The following ABCC12 variants were observed in gnomAD, a reference collection of about 807,000 sequenced individuals.
ABCC12 encodes ATP-binding cassette sub-family C member 12.
ABCC12 carries 142 observed loss-of-function variants against 151.1 expected under a neutral mutation model. The ratio of observed to expected loss-of-function variants is 0.94; its 90% CI spans 0.82 to 1.08. The LOEUF (loss-of-function observed/expected upper bound fraction) is 1.08. Ranked by LOEUF, ABCC12 falls within the 50% of genes least tolerant of loss-of-function variation. The probability of loss-of-function intolerance (pLI) is 0.00; values close to 1 mark genes in which losing one functional copy is unlikely to be tolerated. For synonymous variants in ABCC12, 645 were observed against 646.4 expected (o/e 1.00, Z 0.03); for missense variants, 1,638 against 1,691.1 (o/e 0.97, Z 0.55).
At chr16:48,116,231 A>C (rs1567451345) in intron 14 of ABCC12, among the ~76,000 whole-genome samples, 2 of 152,194 alleles carry the variant, frequency 1.3e-5, no homozygotes, top group Non-Finnish European at 2.9e-5. Context: ...AATGGAACCC[A>C]AAGTGAACCC....
chr16:48,116,559 T>C (rs2150627175), intron 14 of ABCC12, among the ~76,000 whole-genome samples: 2 of 152,142 alleles, frequency 1.3e-5, no homozygotes, highest in South Asian at 2.1e-4. Flanking sequence ...GGTAGGAGCA[T>C]GGCCTGGAAG....
chr16:48,117,074 C>A (rs957047332), intron 14 of ABCC12, among the ~76,000 whole-genome samples, 187 bp downstream of exon 14: 1 of 152,224 alleles, frequency 6.6e-6, no homozygotes, highest in Non-Finnish European at 1.5e-5. Flanking sequence ...CTTGGTGCCA[C>A]GTCCACTATG....
At position 48,105,145 on chromosome 16, in the gene ABCC12, A is replaced by C; in HGVS notation, c.2667T>G (p.Phe889Leu). 1 of 1,614,044 alleles carries C rather than the reference A, an allele frequency of 6.2e-7. No homozygotes were observed. The highest frequency in any genetic ancestry group is 8.5e-7 in the Non-Finnish European group (1 of 1,180,028). The stretch of plus-strand genomic sequence containing the variant: ...GCAATGCTTGTGGCCCTACCTTATC[A>C]AACACCGTGTCATGCAGAGAGGAGG... ...MASSSLHDTV[F>L]DKILKSPMSF... The change falls in exon 21 of 31, where the codon TTT becomes TTG. Residue 889 changes from phenylalanine (F) to leucine (L), a missense_variant. Transcript: ENST00000311303.
At chr16:48,133,312 G>A (rs974913198) in intron 9 of ABCC12, among the ~76,000 whole-genome samples, 7 of 151,938 alleles carry the variant, frequency 4.6e-5, no homozygotes, top group Non-Finnish European at 7.4e-5. Flanking sequence ...ACCTGAGGTC[G>A]GGAGTTCAAG....
rs1436763055 is a variant in ABCC12, at chr16:48,081,390, A to G, written c.*2325T>C. ...TACATGCAAACAGCCAAACCCTCAG[A>G]AGTCACTCTCCCCCAGGGATGATAC... On this transcript the variant is annotated 3_prime_UTR_variant, in exon 31 of 31. Coordinates refer to ENST00000311303, the MANE Select transcript of ABCC12 (RefSeq NM_001393797.1). Among the ~76,000 whole-genome samples the G allele has an allele frequency of 1.3e-5, 2 of 152,150 alleles. No homozygotes were observed. Among genetic ancestry groups the G allele is most frequent in the Non-Finnish European group, 2.9e-5 (2 of 68,020 alleles).
At chr16:48,141,751 A>T (rs1458538380) in intron 4 of ABCC12, among the ~76,000 whole-genome samples, 1 of 152,198 alleles carries the variant, frequency 6.6e-6, no homozygotes, top group Non-Finnish European at 1.5e-5. Flanking sequence ...GTGCACAAAG[A>T]GGAGGGGCTG....
chr16:48,088,984 G>C (rs1030455113), intron 25 of ABCC12, among the ~76,000 whole-genome samples: 1 of 152,196 alleles, frequency 6.6e-6, no homozygotes, highest in African/African-American at 2.4e-5. Flanking sequence ...TTGTGTGTTG[G>C]GAAAGGGGGG....
chr16:48,096,723 C>T lies in ABCC12; in HGVS notation c.3195+23G>A, dbSNP rs375570056. ...TACAGGCCGGAGCCTCCAGACTAAG[C>T]CCAACTTTGCACCAGGCATTACCTG... On this transcript the variant is annotated intron_variant, in intron 24 of 30. Transcript: ENST00000311303. 8 of 1,613,352 alleles carry T rather than the reference C, an allele frequency of 5.0e-6. No individual in the cohort carries two copies. The African/African-American group carries it at 1.1e-4, about 22-fold the overall frequency.
chr16:48,152,828 C>T (rs567466244), intron 2 of ABCC12, among the ~76,000 whole-genome samples: 1 of 152,294 alleles, frequency 6.6e-6, no homozygotes, highest in East Asian at 1.9e-4. Flanking sequence ...CTGTGCTCTT[C>T]AAAAACGTCA....
At chr16:48,091,633 C>T (rs548054530) in intron 24 of ABCC12, among the ~76,000 whole-genome samples, 1 of 152,162 alleles carries the variant, frequency 6.6e-6, no homozygotes, top group Non-Finnish European at 1.5e-5. Flanking sequence ...CTGAAAACCA[C>T]ATCACCATGA....
intron 18 of ABCC12, among the ~76,000 whole-genome samples, chr16:48,109,595 A>G (rs1327011353): frequency 6.6e-6 from 1 of 152,228 alleles, no homozygotes; most frequent in Non-Finnish European, 1.5e-5. Context: ...TCACGCCTCA[A>G]AGGCACCTTG....
At chr16:48,131,818 G>A (rs2150657293) in intron 9 of ABCC12, among the ~76,000 whole-genome samples, 1 of 152,286 alleles carries the variant, frequency 6.6e-6, no homozygotes, top group East Asian at 1.9e-4. Context: ...TTCATTAAAA[G>A]GATAATGAAA....
At position 48,130,858 on chromosome 16, in the gene ABCC12, A is replaced by T. The variant is rs901458351; in HGVS notation, c.1166T>A (p.Phe389Tyr). 6.2e-7 allele frequency: 1 copy of T among 1,613,630 alleles called. No individual in the cohort carries two copies. Among genetic ancestry groups the T allele is most frequent in the African/African-American group, 1.3e-5 (1 of 74,958 alleles). ...SVIAMFNVMK[F>Y]SIAILPFSIK... ...GGAGAAGGGCAAGATTGCAATGGAA[A>T]ACTTCATTACATTAAACATGGCAAT... Residue 389 changes from phenylalanine to tyrosine, a missense_variant, in exon 10 of 31, where the codon TTT becomes TAT. Physicochemically the swap from Phe to Tyr is conservative, Grantham distance 22. Transcript: ENST00000311303.
rs1964315959 is a variant in ABCC12 at position 48,128,559 on chromosome 16, T to C, written c.1415A>G (p.Tyr472Cys). 1 of 1,614,260 alleles carries C rather than the reference T, an allele frequency of 6.2e-7. No homozygotes were observed. The highest frequency in any genetic ancestry group is 8.5e-7 in the Non-Finnish European group (1 of 1,180,042). Reference protein sequence around the residue: ...HLCKKQRSEAYSERSPPAKGA... With the variant: ...HLCKKQRSEACSERSPPAKGA... ...CTTGGCTGGTGGACTCCTCTCACTG[T>C]ATGCCTCTGACCTCTGTTTCTTGCA... Residue 472 changes from tyrosine to cysteine, a missense_variant, in exon 11 of 31, where the codon TAC becomes TGC. By Grantham distance (194) the Tyr-to-Cys change is radical. Coordinates refer to ENST00000311303, the MANE Select transcript of ABCC12 (RefSeq NM_001393797.1).
chr16:48,154,415 A>G (rs1342358173), intron 1 of ABCC12, among the ~76,000 whole-genome samples: 1 of 152,126 alleles, frequency 6.6e-6, no homozygotes, highest in African/African-American at 2.4e-5. Context: ...TCAAATATCA[A>G]GAGCTCTGTA....
In ABCC12 at chr16:48,096,897, A is replaced by C; in HGVS notation, c.3044T>G (p.Leu1015Arg). 1 of 1,614,166 alleles carries C rather than the reference A, an allele frequency of 6.2e-7. No homozygotes were observed. The highest frequency in any genetic ancestry group is 2.2e-5 in the East Asian group (1 of 44,888). ...GKKESCITYH[L>R]LYFNCALRWF... The stretch of plus-strand genomic sequence containing the variant: ...CCTGAGAGCACAGTTAAAGTAGAGG[A>C]GGTGACTGGAGTTTTCGTCGTTTAG... Residue 1015 changes from leucine (L) to arginine (R), a missense_variant, in exon 24 of 31, where the codon CTC becomes CGC. Coordinates refer to ENST00000311303, the MANE Select transcript of ABCC12 (RefSeq NM_001393797.1).
At chr16:48,094,408 A>G (rs1330565959) in intron 24 of ABCC12, among the ~76,000 whole-genome samples, 5 of 152,334 alleles carry the variant, frequency 3.3e-5, no homozygotes, top group African/African-American at 1.2e-4. Flanking sequence ...CAAGATGGAA[A>G]GAGGACGAAA....
In ABCC12 at chr16:48,108,455, T is replaced by C; in HGVS notation, c.2356A>G (p.Ile786Val). The change falls in exon 19 of 31, where the codon ATT becomes GTT. Residue 786 changes from isoleucine (I) to valine (V), a missense_variant. By Grantham distance (29) the Ile-to-Val change is conservative (BLOSUM62 3). Transcript: ENST00000311303. ...TATACTGAACCTCCAGAAGCCTTAA[T>C]GTACGTGTGATATGTTTTCCAGGTC... The part of the protein sequence containing the change: ...TVTWKTYHTY[I>V]KASGGYLLSL... 6.2e-7 allele frequency: 1 copy of C among 1,614,118 alleles called. No individual in the cohort carries two copies. The highest frequency in any genetic ancestry group is 8.5e-7 in the Non-Finnish European group (1 of 1,179,964).
At position 48,083,909 on chromosome 16, in the gene ABCC12, C is replaced by T. The variant is rs757612353; in HGVS notation, c.3993G>A (p.Lys1331=). The T allele has an allele frequency of 6.2e-7, 1 of 1,611,980 alleles. No homozygotes were observed. Among genetic ancestry groups the T allele is most frequent in the African/African-American group, 1.3e-5 (1 of 74,790 alleles). The change falls in exon 30 of 31, where the codon AAG becomes AAA. Residue 1331 remains lysine, a splice_region_variant and synonymous_variant. Coordinates refer to ENST00000311303, the MANE Select transcript of ABCC12 (RefSeq NM_001393797.1). Reference sequence around the variant, plus strand: ...GTGAAGCCAAAAGAGCTTCCTATACCTTCCCATTTTCCATAACCAGGACGT... The same window carrying T: ...GTGAAGCCAAAAGAGCTTCCTATACTTTCCCATTTTCCATAACCAGGACGT... The part of the protein sequence containing the change: ...CDHVLVMENG[K]VIEFDKPEVL...
Sources: gnomAD v4.1 joint callset for allele counts (sites outside exome capture counted in the v4.1 genomes callset) on GRCh38, gnomAD v4.1.1 for gene constraint, MANE v1.5 for transcripts, NCBI Gene and HGNC (gene_info 2026-07-23, HGNC 2026-07-21) for gene names.